The following RTTN variants were observed in gnomAD, a reference collection of about 807,000 sequenced individuals.
RTTN encodes the protein rotatin.
A neutral mutation model predicts 269.2 loss-of-function variants in RTTN; 182 were observed. That is an observed-to-expected ratio of 0.68 (90% CI 0.60 to 0.76). The LOEUF is 0.76. Ranked by LOEUF, RTTN falls within the 30% of genes least tolerant of loss-of-function variation. The pLI, the probability that RTTN is intolerant of heterozygous loss-of-function variation, is 0.00. For missense variants in RTTN, 2,545 were observed against 2,608.6 expected, an observed-to-expected ratio of 0.98 and a Z score of 0.53; for synonymous variants, 1,006 against 963.5, an observed-to-expected ratio of 1.04 and a Z score of -0.82.
At chr18:70,061,748 C>T (rs912817208) in intron 35 of RTTN, among the ~76,000 whole-genome samples, 17 of 152,156 alleles carry the variant, frequency 1.1e-4, no homozygotes, top group Middle Eastern at 6.8e-3. Context: ...GTGGGAGGAT[C>T]GCTTGAGCCC....
At position 70,057,903 on chromosome 18, in the gene RTTN, A is replaced by C. The variant is rs73964486; in HGVS notation, c.4941-71T>G. ...TTTTATTAAAGATTAAGAAATCAGA[A>C]TTTGAAGTTTAAAGGTAACTCGAAT... On this transcript the variant is annotated intron_variant, in intron 36 of 48. Transcript: ENST00000640769. 7.0e-3 allele frequency: 7,873 copies of C among 1,117,514 alleles called. 435 individuals carry two copies. In the African/African-American group the frequency reaches 0.11, roughly 15 times the overall value. The allele number at this position is 1,117,514 out of a possible 1,614,324, so 69.2% of individuals were successfully genotyped here. A position where few individuals can be genotyped will look rare whatever the true frequency, so the allele number is the denominator to read the frequency against.
chr18:70,114,143 ATGACTGCTCAAGTAGATTTG>A (rs1168130221), intron 27 of RTTN, among the ~76,000 whole-genome samples: 15 of 152,302 alleles, frequency 9.8e-5, no homozygotes, highest in Non-Finnish European at 2.2e-4. Context: ...AGGCATAGGT[ATGACTGCTCAAGTAGATTTG>A]TAGATAATTA....
At chr18:70,155,824 T>C (rs1004131946) in intron 14 of RTTN, among the ~76,000 whole-genome samples, 3 of 152,204 alleles carry the variant, frequency 2.0e-5, no homozygotes, top group African/African-American at 7.2e-5. Flanking sequence ...AAATTAATAC[T>C]TTTATAATTT....
chr18:70,176,894 G>T, intron 10 of RTTN, 49 bp from the exon 11 acceptor site: 5 of 1,463,786 alleles, frequency 3.4e-6, no homozygotes, highest in Non-Finnish European at 3.8e-6. Context: ...CCAATTTTAG[G>T]GGCCAGTATA....
chr18:70,193,277 C>T lies in RTTN; in HGVS notation c.1007+11G>A. 1 of 1,605,922 alleles carries T rather than the reference C, an allele frequency of 6.2e-7. No homozygotes were observed. The highest frequency in any genetic ancestry group is 8.5e-7 in the Non-Finnish European group (1 of 1,175,936). Reference sequence around the variant, plus strand: ...ATTTCTCATTTCCCCAGAGACACTGCTAGCAGTCACCTAGAGGACGCTGCA... The same window carrying T: ...ATTTCTCATTTCCCCAGAGACACTGTTAGCAGTCACCTAGAGGACGCTGCA... On this transcript the variant is annotated intron_variant, in intron 8 of 48. Transcript: ENST00000640769.
At chr18:70,186,973 AC>A (rs1248948506) in intron 10 of RTTN, among the ~76,000 whole-genome samples, 2 of 152,162 alleles carry the variant, frequency 1.3e-5, no homozygotes, top group Non-Finnish European at 2.9e-5. Flanking sequence ...GACACAGTTT[AC>A]CTACATAACA....
At chr18:70,142,173 G>T in intron 19 of RTTN, 115 bp downstream of exon 19, 1 of 641,482 alleles carries the variant, frequency 1.6e-6, no homozygotes. Flanking sequence ...CAAAAAAAAG[G>T]CCACAGGCTG....
At chr18:70,127,353 C>T in intron 25 of RTTN, 149 bp downstream of exon 25, 1 of 850,274 alleles carries the variant, frequency 1.2e-6, no homozygotes, top group Non-Finnish European at 1.7e-6. Context: ...TTCTCTTTGG[C>T]TATTATTACA....
rs185980652 is a variant in RTTN, at chr18:70,025,804, C to T, written c.5824-956G>A. Among the ~76,000 whole-genome samples, 33 of 152,282 alleles carry T rather than the reference C, an allele frequency of 2.2e-4. No individual in the cohort carries two copies. The East Asian group carries it at 6.2e-3, about 28-fold the overall frequency. ...CATCCATTCATCCTTCCTGTCTGCC[C>T]GGTAGTGACAAAGAGGTGTTCCACT... On this transcript the variant is annotated intron_variant, in intron 43 of 48. Coordinates refer to ENST00000640769, the MANE Select transcript of RTTN (RefSeq NM_173630.4).
intron 35 of RTTN, among the ~76,000 whole-genome samples, chr18:70,063,987 T>C (rs1210180028): frequency 3.0e-5 from 4 of 134,456 alleles, no homozygotes; most frequent in African/African-American, 5.6e-5. Flanking sequence ...TTTTTGGTCA[T>C]ATATATGTGC....
At chr18:70,029,591 G>A (rs1599170902) in intron 42 of RTTN, among the ~76,000 whole-genome samples, 1 of 152,106 alleles carries the variant, frequency 6.6e-6, no homozygotes, top group Non-Finnish European at 1.5e-5. Context: ...ATGCTGTAAT[G>A]AGTGTTTGTT....
intron 40 of RTTN, among the ~76,000 whole-genome samples, chr18:70,047,089 A>T (rs769385232): frequency 2.6e-5 from 4 of 152,210 alleles, no homozygotes; most frequent in Non-Finnish European, 4.4e-5. Context: ...ACTATAACAA[A>T]TCAGCACAGG....
chr18:70,166,305 T>C, intron 13 of RTTN, 117 bp from the exon 14 acceptor site: 1 of 1,007,924 alleles, frequency 9.9e-7, no homozygotes, highest in Non-Finnish European at 1.5e-6. Context: ...TGAGATCTTA[T>C]TAAAAATAAC....
intron 14 of RTTN, among the ~76,000 whole-genome samples, chr18:70,155,139 T>C (rs1176226828): frequency 6.6e-6 from 1 of 152,178 alleles, no homozygotes; most frequent in Non-Finnish European, 1.5e-5. Flanking sequence ...CTATCTTCAA[T>C]CTTTCCTCCT....
At chr18:70,162,610 G>C (rs781186137) in intron 14 of RTTN, among the ~76,000 whole-genome samples, 20 of 152,112 alleles carry the variant, frequency 1.3e-4, no homozygotes, top group Non-Finnish European at 2.6e-4. Flanking sequence ...ACTGTTAGAA[G>C]AACAGGATGG....
chr18:70,083,170 G>GATACCT (rs2058616214), intron 32 of RTTN, among the ~76,000 whole-genome samples: 1 of 152,164 alleles, frequency 6.6e-6, no homozygotes, highest in East Asian at 1.9e-4. Context: ...CCTGGTAGGA[G>GATACCT]TGCTAGATGT....
At chr18:70,125,165 A>C (rs1274584871) in intron 25 of RTTN, among the ~76,000 whole-genome samples, 4 of 152,050 alleles carry the variant, frequency 2.6e-5, no homozygotes, top group African/African-American at 4.8e-5. Context: ...AAGTAAAAAG[A>C]TTTTAGAAAC....
chr18:70,057,816 G>A lies in RTTN; in HGVS notation c.4957C>T (p.Leu1653Phe), dbSNP rs1351245125. ...AGTTCCTGGACACATGTCTGTATGA[G>A]GGTAGCATCTGCAATGCTGTGACGA... Reference protein sequence around the residue: ...ELLCSIADATLIQTCVQELRA... With the variant: ...ELLCSIADATFIQTCVQELRA... The change falls in exon 37 of 49, where the codon CTC (leucine) becomes TTC (phenylalanine). Residue 1653 changes from leucine to phenylalanine, a missense_variant. Leu to Phe is a conservative substitution (Grantham distance 22, BLOSUM62 0). Coordinates refer to ENST00000640769, the MANE Select transcript of RTTN (RefSeq NM_173630.4). 5 of 1,613,244 alleles carry A rather than the reference G, an allele frequency of 3.1e-6. No homozygotes were observed. Among genetic ancestry groups the A allele is most frequent in the Admixed American group, 3.3e-5 (2 of 59,974 alleles).
At chr18:70,061,543 T>C in intron 35 of RTTN, 1 of 342,748 alleles carries the variant, frequency 2.9e-6, no homozygotes, top group South Asian at 2.2e-5. Flanking sequence ...CACATAAACA[T>C]ATTTTATCTA....
Sources: gnomAD v4.1 joint callset for allele counts (sites outside exome capture counted in the v4.1 genomes callset) on GRCh38, gnomAD v4.1.1 for gene constraint, MANE v1.5 for transcripts, NCBI Gene and HGNC (gene_info 2026-07-23, HGNC 2026-07-21) for gene names.